The following GPATCH8 variants were observed in gnomAD, a reference collection of about 807,000 sequenced individuals.
GPATCH8 encodes G patch domain-containing protein 8.
GPATCH8 carries 18 observed loss-of-function variants against 118.3 expected under a neutral mutation model. The observed-to-expected ratio is 0.15, with a 90% confidence interval of 0.11 to 0.23. The LOEUF (loss-of-function observed/expected upper bound fraction) is 0.23, where lower values mean the gene tolerates loss of function less well. Among genes scored for constraint, GPATCH8 ranks in the 10% least tolerant of loss-of-function variants. GPATCH8 has a pLI of 1.00. For missense variants in GPATCH8, 1,631 were observed against 1,873.8 expected, an observed-to-expected ratio of 0.87 and a Z score of 2.39; for synonymous variants, 659 against 684.7, an observed-to-expected ratio of 0.96 and a Z score of 0.59.
At chr17:44,458,784 A>T (rs2051438455) in intron 3 of GPATCH8, among the ~76,000 whole-genome samples, 2 of 152,286 alleles carry the variant, frequency 1.3e-5, no homozygotes, top group South Asian at 4.1e-4. Flanking sequence ...TTGGCCTCCC[A>T]AAGTCCTGGG....
At position 44,395,448 on chromosome 17, in the gene GPATCH8, T is replaced by A; in HGVS notation, c.*2120A>T. The A allele has an allele frequency of 2.2e-6, 1 of 454,394 alleles. No individual in the cohort carries two copies. Among genetic ancestry groups the A allele is most frequent in the Non-Finnish European group, 4.4e-6 (1 of 226,728 alleles). 28.1% of individuals were successfully genotyped at this position (454,394 alleles called of 1,614,324 possible). ...TTCTGGAAGTTAAAGAAAATGCCCCTAGGAAGGCAAAGAGGCAGCCAGAGT... is the reference window on the plus strand; with the variant it reads ...TTCTGGAAGTTAAAGAAAATGCCCCAAGGAAGGCAAAGAGGCAGCCAGAGT... On this transcript the variant is annotated 3_prime_UTR_variant, in exon 8 of 8. Coordinates refer to ENST00000591680, the MANE Select transcript of GPATCH8 (RefSeq NM_001002909.4).
chr17:44,435,796 C>T (rs1288906367), intron 4 of GPATCH8, among the ~76,000 whole-genome samples: 3 of 147,092 alleles, frequency 2.0e-5, no homozygotes, highest in Admixed American at 6.7e-5. Context: ...CCGAGGCGGG[C>T]GGGTCACCTG....
At position 44,395,960 on chromosome 17, in the gene GPATCH8, C is replaced by T. The variant is rs750119243; in HGVS notation, c.*1608G>A. Reference sequence around the variant, plus strand: ...GCAAAAGAGGCTGAGGTGGTAATTCCTCTTGTCAGTGTCATGGGAGAAAAG... The same window carrying T: ...GCAAAAGAGGCTGAGGTGGTAATTCTTCTTGTCAGTGTCATGGGAGAAAAG... On this transcript the variant is annotated 3_prime_UTR_variant, in exon 8 of 8. Coordinates refer to ENST00000591680, the MANE Select transcript of GPATCH8 (RefSeq NM_001002909.4). 102 of 454,306 alleles carry T rather than the reference C, an allele frequency of 2.2e-4. 1 individual carries two copies. Among genetic ancestry groups the T allele is most frequent in the South Asian group, 1.5e-3 (99 of 64,486 alleles). The allele number at this position is 454,306 out of a possible 1,614,324, so 28.1% of individuals were successfully genotyped here. A position where few individuals can be genotyped will look rare whatever the true frequency, so the allele number is the denominator to read the frequency against.
rs531741765 is a variant in GPATCH8 at position 44,417,032 on chromosome 17, A to AT, written c.492+7316dup. 1.3e-3 allele frequency among the ~76,000 whole-genome samples: 193 copies of AT among 147,122 alleles called. 1 individual carries two copies. The highest frequency in any genetic ancestry group is 5.8e-3 in the East Asian group (29 of 5,032). Reference sequence around the variant, plus strand: ...GATACTGAATCCTACAGTTAAAGGAATTTTTTTTTTTTTGAGACAGGGCCT... The same window carrying AT: ...GATACTGAATCCTACAGTTAAAGGAATTTTTTTTTTTTTTGAGACAGGGCCT... On this transcript the variant is annotated intron_variant, in intron 6 of 7. Coordinates refer to ENST00000591680, the MANE Select transcript of GPATCH8 (RefSeq NM_001002909.4).
At chr17:44,476,210 CT>C (rs202142732) in intron 1 of GPATCH8, among the ~76,000 whole-genome samples, 266 of 145,714 alleles carry the variant, frequency 1.8e-3, no homozygotes, top group African/African-American at 2.2e-3. Flanking sequence ...GCTGTTTTAC[CT>C]TTTTTTTTTT....
intron 5 of GPATCH8, among the ~76,000 whole-genome samples, chr17:44,426,848 ACTCT>A (rs71361571): frequency 0.043 from 1,503 of 35,362 alleles, 27 homozygotes; most frequent in African/African-American, 0.11. Flanking sequence ...ACACACACAC[ACTCT>A]CTCTCTCTCT....
At chr17:44,453,834 A>G (rs2051225685) in intron 3 of GPATCH8, among the ~76,000 whole-genome samples, 1 of 151,936 alleles carries the variant, frequency 6.6e-6, no homozygotes, top group South Asian at 2.1e-4. Context: ...TGCCCAGCCT[A>G]GTTACAGTTT....
intron 6 of GPATCH8, among the ~76,000 whole-genome samples, chr17:44,412,249 C>A (rs950495952): frequency 6.6e-6 from 1 of 151,936 alleles, no homozygotes; most frequent in African/African-American, 2.4e-5. Context: ...ATTAGTTGGG[C>A]GCAGTGGTTA....
chr17:44,435,259 TG>T (rs2050459034), intron 4 of GPATCH8, 108 bp from the exon 5 acceptor site: 6 of 695,224 alleles, frequency 8.6e-6, no homozygotes, highest in South Asian at 7.7e-5. Flanking sequence ...AAAAAAAAAT[TG>T]TAATTTTGCT....
At chr17:44,469,104 CATAAAT>C (rs1457965475) in intron 2 of GPATCH8, among the ~76,000 whole-genome samples, 1 of 152,172 alleles carries the variant, frequency 6.6e-6, no homozygotes, top group African/African-American at 2.4e-5. Context: ...TATTTCTACA[CATAAAT>C]ATATCATTAA....
At chr17:44,459,675 C>T (rs537870242) in intron 3 of GPATCH8, among the ~76,000 whole-genome samples, 1 of 151,470 alleles carries the variant, frequency 6.6e-6, no homozygotes, top group South Asian at 2.1e-4. Context: ...AAGGAGTGCA[C>T]AAAAGTAGAA....
At chr17:44,444,414 G>C (rs1197755368) in intron 3 of GPATCH8, among the ~76,000 whole-genome samples, 1 of 151,838 alleles carries the variant, frequency 6.6e-6, no homozygotes, top group Non-Finnish European at 1.5e-5. Context: ...ACAATTTTGG[G>C]GTAAAATAGT....
intron 3 of GPATCH8, among the ~76,000 whole-genome samples, chr17:44,456,862 C>T (rs1455537256): frequency 1.3e-5 from 2 of 151,316 alleles, no homozygotes; most frequent in Non-Finnish European, 3.0e-5. Context: ...AATACAAGTA[C>T]AGAACAATTT....
intron 6 of GPATCH8, among the ~76,000 whole-genome samples, chr17:44,414,115 ATG>A (rs770136100): frequency 3.6e-5 from 3 of 83,466 alleles, no homozygotes; most frequent in African/African-American, 1.4e-4. Context: ...GTATATATAT[ATG>A]TATATATATG....
intron 2 of GPATCH8, chr17:44,467,124 G>A (rs1445013952): frequency 8.0e-7 from 1 of 1,242,542 alleles, no homozygotes; most frequent in African/African-American, 1.5e-5. Flanking sequence ...GCTGTCAAAA[G>A]AACAGTTAAA....
intron 2 of GPATCH8, among the ~76,000 whole-genome samples, chr17:44,466,645 G>A (rs1342302590): frequency 6.6e-6 from 1 of 152,068 alleles, no homozygotes; most frequent in African/African-American, 2.4e-5. Context: ...AAGATTAAAA[G>A]TCTCAATATA....
At chr17:44,412,439 T>G (rs1018258767) in intron 6 of GPATCH8, among the ~76,000 whole-genome samples, 2 of 151,996 alleles carry the variant, frequency 1.3e-5, no homozygotes, top group African/African-American at 4.8e-5. Context: ...CAGGCTGGAG[T>G]GCAGTGGCAG....
chr17:44,491,569 A>G lies in GPATCH8; in HGVS notation c.45+11757T>C, dbSNP rs1969247269. ...ATAATATTACTCAAAGTTGGTGGATATTGGCTGGGCATGGTGGCTTATACT... is the reference window on the plus strand; with the variant it reads ...ATAATATTACTCAAAGTTGGTGGATGTTGGCTGGGCATGGTGGCTTATACT... On this transcript the variant is annotated intron_variant, in intron 1 of 7. Transcript: ENST00000591680. Among the ~76,000 whole-genome samples the G allele has an allele frequency of 2.0e-5, 3 of 152,004 alleles. No homozygotes were observed. In the South Asian group the frequency reaches 6.2e-4, roughly 31 times the overall value.
intron 3 of GPATCH8, chr17:44,438,620 T>C (rs1022147321): frequency 6.6e-6 from 1 of 152,282 alleles, no homozygotes; most frequent in Non-Finnish European, 1.5e-5. Flanking sequence ...GCCTAACATA[T>C]TGGTGCACTG....
Sources: allele counts gnomAD v4.1 joint callset (sites outside exome capture counted in the v4.1 genomes callset), GRCh38; gene constraint gnomAD v4.1.1; transcripts MANE v1.5; gene names NCBI Gene and HGNC (gene_info 2026-07-23, HGNC 2026-07-21).